Variants in MED13L observed in about 807,000 individuals in gnomAD.
MED13L encodes the protein mediator of RNA polymerase II transcription subunit 13-like.
A neutral mutation model predicts 220.9 loss-of-function variants in MED13L; 7 were observed. That is an observed-to-expected ratio of 0.03 (90% CI 0.02 to 0.06). The LOEUF (loss-of-function observed/expected upper bound fraction) is 0.06. Ranked by LOEUF, MED13L falls within the 10% of genes least tolerant of loss-of-function variation. MED13L has a pLI of 1.00. For synonymous variants in MED13L, 1,011 were observed against 1,015.2 expected, an observed-to-expected ratio of 1.00 and a Z score of 0.08; for missense variants, 1,965 against 2,760.5, an observed-to-expected ratio of 0.71 and a Z score of 6.46.
chr12:116,224,894 G>A (rs1051215562), intron 2 of MED13L, among the ~76,000 whole-genome samples: 2 of 152,070 alleles, frequency 1.3e-5, no homozygotes, highest in South Asian at 4.1e-4. Flanking sequence ...GCCCAGGCTG[G>A]TCTCCAATAC....
intron 28 of MED13L, among the ~76,000 whole-genome samples, chr12:115,966,583 G>A (rs933972056): frequency 6.6e-6 from 1 of 152,154 alleles, no homozygotes. Flanking sequence ...TCTACCACAC[G>A]CAGGTGCTCT....
At position 116,007,430 on chromosome 12, in the gene MED13L, T is replaced by C. The variant is rs1474910053; in HGVS notation, c.2219A>G (p.Asp740Gly). The C allele has an allele frequency of 1.2e-6, 2 of 1,613,154 alleles. No individual in the cohort carries two copies. The highest frequency in any genetic ancestry group is 1.7e-6 in the Non-Finnish European group (2 of 1,179,228). ...NKKCKQGTEK[D>G]SLKKNKSEDG... ...TGGTACCTTATTCTTTTTCAGGGAA[T>C]CTTTCTCCGTCCCTTGTTTGCATTT... Residue 740 changes from aspartate to glycine, a missense_variant, in exon 11 of 31, where the codon GAT becomes GGT. By Grantham distance (94) the Asp-to-Gly change is moderately conservative. Around this residue, in one of 10 missense-constraint regions of MED13L, gnomAD observed 818 missense variants for 1,041.2 expected, o/e 0.79. Coordinates refer to ENST00000281928, the MANE Select transcript of MED13L (RefSeq NM_015335.5).
intron 2 of MED13L, among the ~76,000 whole-genome samples, chr12:116,126,971 G>T (rs1326089948): frequency 1.3e-5 from 2 of 152,098 alleles, no homozygotes; most frequent in Admixed American, 1.3e-4. Flanking sequence ...CCACCATTCA[G>T]AATAGATTTT....
At chr12:116,163,318 T>C (rs566422579) in intron 2 of MED13L, among the ~76,000 whole-genome samples, 38 of 151,992 alleles carry the variant, frequency 2.5e-4, no homozygotes, top group African/African-American at 8.9e-4. Flanking sequence ...TATATCTTTA[T>C]ATAATAAAAA....
intron 4 of MED13L, among the ~76,000 whole-genome samples, chr12:116,078,862 T>TA (rs1238551545): frequency 6.6e-6 from 1 of 152,196 alleles, no homozygotes; most frequent in African/African-American, 2.4e-5. Flanking sequence ...AAAAAGAATT[T>TA]AAAAAAGACT....
chr12:116,073,176 G>C (rs1051203393), intron 4 of MED13L, among the ~76,000 whole-genome samples: 1 of 151,948 alleles, frequency 6.6e-6, no homozygotes, highest in Admixed American at 6.6e-5. Context: ...ATTCTTCCAT[G>C]GGTATGTATT....
At chr12:116,027,246 A>C (rs1002314368) in intron 4 of MED13L, among the ~76,000 whole-genome samples, 1 of 152,166 alleles carries the variant, frequency 6.6e-6, no homozygotes, top group African/African-American at 2.4e-5. Context: ...ACATGGCCAA[A>C]ACCACATCTC....
chr12:116,123,837 G>A (rs913755796), intron 2 of MED13L, among the ~76,000 whole-genome samples: 9 of 151,898 alleles, frequency 5.9e-5, no homozygotes, highest in African/African-American at 2.2e-4. Flanking sequence ...TCTACGGCGT[G>A]ACCGAGAGAA....
intron 4 of MED13L, among the ~76,000 whole-genome samples, chr12:116,063,120 G>A (rs1366916675): frequency 1.3e-5 from 2 of 152,148 alleles, no homozygotes; most frequent in Non-Finnish European, 2.9e-5. Flanking sequence ...ATCCAATTTA[G>A]GGCATTTCTG....
chr12:116,217,786 G>A (rs1883092600), intron 2 of MED13L, among the ~76,000 whole-genome samples: 1 of 152,100 alleles, frequency 6.6e-6, no homozygotes, highest in South Asian at 2.1e-4. Flanking sequence ...CTTATTTGAA[G>A]TGCAGTAATA....
chr12:116,120,051 T>C (rs1259325389), intron 2 of MED13L, among the ~76,000 whole-genome samples: 1 of 151,886 alleles, frequency 6.6e-6, no homozygotes, highest in Non-Finnish European at 1.5e-5. Flanking sequence ...TGGCTAGAAC[T>C]TCTCGGATAT....
rs1593056873 is a variant in MED13L, at chr12:116,111,413, T to C, written c.395+15A>G. The C allele has an allele frequency of 6.2e-7, 1 of 1,607,706 alleles. No homozygotes were observed. Among genetic ancestry groups the C allele is most frequent in the Admixed American group, 1.7e-5 (1 of 60,010 alleles). Reference sequence around the variant, plus strand: ...TGGTTGTCTGCAAACCACTGTCTGCTGTTCCTTCTCTTACCTTTCTAACAG... The same window carrying C: ...TGGTTGTCTGCAAACCACTGTCTGCCGTTCCTTCTCTTACCTTTCTAACAG... On this transcript the variant is annotated intron_variant, in intron 3 of 30. Transcript: ENST00000281928.
chr12:116,276,855 T>C (rs944677047), intron 1 of MED13L: 63 of 1,014,248 alleles, frequency 6.2e-5, no homozygotes, highest in Admixed American at 1.4e-4. Flanking sequence ...CAAATGATTT[T>C]TAAAGAGCCA....
Position 116,111,522 on chromosome 12 carries a change from A to G in MED13L, c.311-10T>C, listed in dbSNP as rs1874082692. On this transcript the variant is annotated splice_polypyrimidine_tract_variant and intron_variant, in intron 2 of 30. Transcript: ENST00000281928. ...AGTCCTTCTTCCACAACTGAAAAAA[A>G]AAAGAAAAAAGAAAAAAAAAGAACC... 1 of 1,582,156 alleles carries G rather than the reference A, an allele frequency of 6.3e-7. No individual in the cohort carries two copies. Among genetic ancestry groups the G allele is most frequent in the East Asian group, 2.2e-5 (1 of 44,684 alleles).
intron 3 of MED13L, among the ~76,000 whole-genome samples, chr12:116,101,045 C>T (rs2137838191): frequency 6.6e-6 from 1 of 152,348 alleles, no homozygotes; most frequent in African/African-American, 2.4e-5. Context: ...GTCCTTGGCT[C>T]TGAATTTCCA....
rs186563230 is a variant in MED13L, at chr12:116,259,699, T to C, written c.72+17361A>G. ...CTCTGTTTATCTATTCAATATCTAA[T>C]AAAACAATTTTGACACATGCAAAAG... On this transcript the variant is annotated intron_variant, in intron 1 of 30. Coordinates refer to ENST00000281928, the MANE Select transcript of MED13L (RefSeq NM_015335.5). Among the ~76,000 whole-genome samples the C allele has an allele frequency of 3.7e-4, 57 of 152,012 alleles. 1 individual carries two copies. In the East Asian group the frequency reaches 0.01, roughly 28 times the overall value.
At chr12:116,157,269 A>G (rs1400571694) in intron 2 of MED13L, among the ~76,000 whole-genome samples, 4 of 152,180 alleles carry the variant, frequency 2.6e-5, no homozygotes, top group Non-Finnish European at 5.9e-5. Flanking sequence ...TTATACCCCA[A>G]GTATAGTTCA....
At chr12:116,188,275 A>G (rs993225904) in intron 2 of MED13L, among the ~76,000 whole-genome samples, 42 of 152,152 alleles carry the variant, frequency 2.8e-4, no homozygotes, top group Admixed American at 1.3e-4. Context: ...GTTTGAGCAT[A>G]AGTATTCATG....
chr12:116,152,572 C>A (rs1349328664), intron 2 of MED13L, among the ~76,000 whole-genome samples: 2 of 152,012 alleles, frequency 1.3e-5, no homozygotes, highest in Non-Finnish European at 2.9e-5. Flanking sequence ...ACCAGAGGGG[C>A]ATAGAGGTAA....
Sources: allele counts gnomAD v4.1 joint callset (sites outside exome capture counted in the v4.1 genomes callset), GRCh38; gene constraint gnomAD v4.1.1; regional missense constraint gnomAD v4.1.1; transcripts MANE v1.5; gene names NCBI Gene and HGNC (gene_info 2026-07-23, HGNC 2026-07-21).